Variants in ALDH8A1 observed in about 807,000 individuals in gnomAD.
ALDH8A1 encodes the protein aldehyde dehydrogenase 8 family member A1.
ALDH8A1 carries 39 observed loss-of-function variants against 43.3 expected under a neutral mutation model. That is an observed-to-expected ratio of 0.90 (90% confidence interval 0.70 to 1.18). The LOEUF (loss-of-function observed/expected upper bound fraction) is 1.18, where lower values mean the gene tolerates loss of function less well. ALDH8A1 is among the 50% of genes most tolerant of loss of function. The pLI is 0.00. For missense variants in ALDH8A1, 605 were observed against 622.6 expected, an observed-to-expected ratio of 0.97 and a Z score of 0.30; for synonymous variants, 233 against 243.5, an observed-to-expected ratio of 0.96 and a Z score of 0.40.
intron 1 of ALDH8A1, 159 bp from the exon 2 acceptor site, chr6:134,944,125 T>A: frequency 9.6e-7 from 1 of 1,045,722 alleles, no homozygotes; most frequent in South Asian, 1.9e-5. Flanking sequence ...TGGAGGGCAG[T>A]GGCGCAATTT....
Position 134,943,868 on chromosome 6 carries a change from C to T in ALDH8A1, c.237G>A (p.Leu79=). 6.2e-7 allele frequency: 1 copy of T among 1,614,266 alleles called. No homozygotes were observed. The highest frequency in any genetic ancestry group is 1.1e-5 in the South Asian group (1 of 91,088). The stretch of plus-strand genomic sequence containing the variant: ...CAAACTCCTCCAGGGACTGCTCCAG[C>T]AAATCCGCCACCTGGTTCAGGACCC... ...RSRVLNQVAD[L]LEQSLEEFAQ... The change falls in exon 2 of 7, where the codon TTG becomes TTA. Residue 79 remains leucine, a synonymous_variant. Transcript: ENST00000265605.
At chr6:134,946,008 A>ACATGC (rs1157418495) in intron 1 of ALDH8A1, among the ~76,000 whole-genome samples, 1 of 152,166 alleles carries the variant, frequency 6.6e-6, no homozygotes, top group Non-Finnish European at 1.5e-5. Context: ...CTGCCGCCAG[A>ACATGC]CATGCCTGCT....
chr6:134,939,324 C>A lies in ALDH8A1; in HGVS notation c.534G>T (p.Lys178Asn), dbSNP rs1773809656. ...AMAAGNTVIAKPSELTSVTAW... is the reference protein window; with the variant it reads ...AMAAGNTVIANPSELTSVTAW... Reference sequence around the variant, plus strand: ...CAGTCACTGAAGTCAGCTCACTGGGCTTGGCTATCACAGTGTTCCCTGCAG... The same window carrying A: ...CAGTCACTGAAGTCAGCTCACTGGGATTGGCTATCACAGTGTTCCCTGCAG... The change falls in exon 4 of 7, where the codon AAG becomes AAT. Residue 178 changes from lysine to asparagine, a missense_variant. Lys to Asn is a moderately conservative substitution (Grantham distance 94). Coordinates refer to ENST00000265605, the MANE Select transcript of ALDH8A1 (RefSeq NM_022568.4). The A allele has an allele frequency of 6.2e-7, 1 of 1,614,094 alleles. No individual in the cohort carries two copies. Among genetic ancestry groups the A allele is most frequent in the Admixed American group, 1.7e-5 (1 of 60,002 alleles).
At chr6:134,949,525 T>C (rs1222072902) in intron 1 of ALDH8A1, among the ~76,000 whole-genome samples, 1 of 152,204 alleles carries the variant, frequency 6.6e-6, no homozygotes, top group Non-Finnish European at 1.5e-5. Flanking sequence ...AGTAAAGCTA[T>C]ACTTTTTTTT....
intron 6 of ALDH8A1, among the ~76,000 whole-genome samples, chr6:134,928,396 C>T (rs1299321429): frequency 6.6e-6 from 1 of 152,236 alleles, no homozygotes; most frequent in East Asian, 1.9e-4. Context: ...CTCTGTCTCT[C>T]ATTGGCTGGC....
At position 134,932,761 on chromosome 6, in the gene ALDH8A1, C is replaced by A. The variant is rs1777005862; in HGVS notation, c.849+15G>T. The A allele has an allele frequency of 3.1e-6, 5 of 1,611,416 alleles. No homozygotes were observed. In the African/African-American group the frequency reaches 6.7e-5, roughly 22 times the overall value. On this transcript the variant is annotated intron_variant, in intron 5 of 6. Coordinates refer to ENST00000265605, the MANE Select transcript of ALDH8A1 (RefSeq NM_022568.4). ...GGGCCATGGAGGGGAGGGAGAAGAA[C>A]CCCCGGGGACATACCTGGTTGGCAA... is the stretch of plus-strand genomic sequence containing the variant.
intron 1 of ALDH8A1, among the ~76,000 whole-genome samples, chr6:134,945,725 C>T (rs887574129): frequency 6.6e-6 from 1 of 152,040 alleles, no homozygotes; most frequent in Non-Finnish European, 1.5e-5. Flanking sequence ...TTTTTTGGGG[C>T]GCTTGACCCG....
chr6:134,941,021 A>G (rs1285404753), intron 3 of ALDH8A1, among the ~76,000 whole-genome samples: 1 of 152,170 alleles, frequency 6.6e-6, no homozygotes, highest in East Asian at 1.9e-4. Context: ...TTCTCCGAGG[A>G]AACAGTGACA....
chr6:134,928,703 C>G (rs1054222353), intron 6 of ALDH8A1, among the ~76,000 whole-genome samples: 7 of 152,218 alleles, frequency 4.6e-5, no homozygotes, highest in African/African-American at 1.7e-4. Context: ...CAGAGGCAGG[C>G]CTTTTCCAAA....
In ALDH8A1 at chr6:134,929,041, G is replaced by T. The variant is rs753121308; in HGVS notation, c.1011+13C>A. On this transcript the variant is annotated intron_variant, in intron 6 of 6. Coordinates refer to ENST00000265605, the MANE Select transcript of ALDH8A1 (RefSeq NM_022568.4). ...AACTTATTCTGTAACTTACATGGCA[G>T]AAATTTACTTACTTTCTCCAAATGT... is the stretch of plus-strand genomic sequence containing the variant. The T allele has an allele frequency of 6.2e-7, 1 of 1,612,914 alleles. No individual in the cohort carries two copies. The highest frequency in any genetic ancestry group is 2.2e-5 in the East Asian group (1 of 44,874).
intron 6 of ALDH8A1, among the ~76,000 whole-genome samples, chr6:134,928,820 T>C (rs914443824): frequency 2.0e-5 from 3 of 152,242 alleles, no homozygotes; most frequent in Admixed American, 6.5e-5. Context: ...GGTATCTCCA[T>C]GCTGACTTCT....
At chr6:134,928,552 G>C (rs76759450) in intron 6 of ALDH8A1, among the ~76,000 whole-genome samples, 3 of 152,102 alleles carry the variant, frequency 2.0e-5, no homozygotes, top group African/African-American at 7.2e-5. Flanking sequence ...TTCTCTTTTT[G>C]AAAAATGACC....
At chr6:134,937,934 TG>T (rs1244419114) in intron 4 of ALDH8A1, among the ~76,000 whole-genome samples, 1 of 152,136 alleles carries the variant, frequency 6.6e-6, no homozygotes, top group Admixed American at 6.6e-5. Flanking sequence ...CTCATTCCTC[TG>T]GAGGACCCTG....
In ALDH8A1 at chr6:134,942,551, T is replaced by G. The variant is rs771965268; in HGVS notation, c.300A>C (p.Ala100=). 1 of 1,613,628 alleles carries G rather than the reference T, an allele frequency of 6.2e-7. No homozygotes were observed. Among genetic ancestry groups the G allele is most frequent in the Admixed American group, 1.7e-5 (1 of 59,966 alleles). Residue 100 remains alanine, a synonymous_variant, in exon 3 of 7, where the codon GCA becomes GCC. Coordinates refer to ENST00000265605, the MANE Select transcript of ALDH8A1 (RefSeq NM_022568.4). ...GGGGAATGTCCATGGTTCTTGCCAG[T>G]GCTAAGGTTTTCCCTGTAAGAAGCA... ...AESKDQGKTL[A]LARTMDIPRS...
intron 1 of ALDH8A1, among the ~76,000 whole-genome samples, chr6:134,944,447 G>A (rs1356170150): frequency 6.6e-6 from 1 of 152,154 alleles, no homozygotes; most frequent in African/African-American, 2.4e-5. Context: ...TACATGACCA[G>A]CAAAGGAGGG....
At chr6:134,936,335 T>C (rs1466491928) in intron 4 of ALDH8A1, among the ~76,000 whole-genome samples, 1 of 152,208 alleles carries the variant, frequency 6.6e-6, no homozygotes, top group Non-Finnish European at 1.5e-5. Context: ...GGATTGTAGG[T>C]CACTGTCAGA....
intron 3 of ALDH8A1, chr6:134,940,120 T>G: frequency 3.3e-6 from 1 of 298,656 alleles, no homozygotes; most frequent in Non-Finnish European, 6.6e-6. Flanking sequence ...AAATGCATGC[T>G]GGGCTTAATA....
chr6:134,943,847 C>A lies in ALDH8A1; in HGVS notation c.258G>T (p.Glu86Asp). 6.2e-7 allele frequency: 1 copy of A among 1,614,222 alleles called. No individual in the cohort carries two copies. The highest frequency in any genetic ancestry group is 8.5e-7 in the Non-Finnish European group (1 of 1,180,032). ...VADLLEQSLE[E>D]FAQAESKDQG... The stretch of plus-strand genomic sequence containing the variant: ...GGTCTTTAGACTCGGCCTGGGCAAA[C>A]TCCTCCAGGGACTGCTCCAGCAAAT... Residue 86 changes from glutamate to aspartate, a missense_variant, in exon 2 of 7, where the codon GAG becomes GAT. Coordinates refer to ENST00000265605, the MANE Select transcript of ALDH8A1 (RefSeq NM_022568.4).
chr6:134,929,432 G>A (rs529796338), intron 5 of ALDH8A1, among the ~76,000 whole-genome samples: 23 of 152,228 alleles, frequency 1.5e-4, no homozygotes, highest in Middle Eastern at 3.4e-3. Flanking sequence ...ATAACTTCAG[G>A]TTGTGATCAA....
Sources: allele counts gnomAD v4.1 joint callset (sites outside exome capture counted in the v4.1 genomes callset), GRCh38; gene constraint gnomAD v4.1.1; transcripts MANE v1.5; gene names NCBI Gene and HGNC (gene_info 2026-07-23, HGNC 2026-07-21).